NFXL1: variants seen among roughly 807,000 people sequenced by gnomAD.
NFXL1 encodes NF-X1-type zinc finger protein NFXL1.
In NFXL1, 66 loss-of-function variants were observed where a neutral mutation model predicts 123.3. The ratio of observed to expected loss-of-function variants is 0.54; its 90% CI spans 0.44 to 0.66. NFXL1 has a LOEUF of 0.66. Among genes scored for constraint, NFXL1 ranks in the 30% least tolerant of loss-of-function variants. NFXL1 has a pLI of 0.00. For missense variants in NFXL1, 944 were observed against 1,125.6 expected, an observed-to-expected ratio of 0.84 and a Z score of 2.31; for synonymous variants, 346 against 360.8, an observed-to-expected ratio of 0.96 and a Z score of 0.46.
At chr4:47,875,388 A>G in intron 17 of NFXL1, 95 bp from the exon 18 acceptor site, 1 of 844,312 alleles carries the variant, frequency 1.2e-6, no homozygotes, top group Non-Finnish European at 1.8e-6. Context: ...CCATTAAAAT[A>G]AAGTACTTCT....
chr4:47,898,431 A>C (rs1737217278), intron 8 of NFXL1, among the ~76,000 whole-genome samples: 1 of 152,104 alleles, frequency 6.6e-6, no homozygotes, highest in Non-Finnish European at 1.5e-5. Context: ...TTACTTCCTC[A>C]ATTGGATTAA....
chr4:47,856,457 T>G (rs115393309), intron 19 of NFXL1, among the ~76,000 whole-genome samples: 263 of 152,116 alleles, frequency 1.7e-3, no homozygotes, highest in African/African-American at 5.6e-3. Flanking sequence ...TCTGCATTTC[T>G]TTGTGTCTCT....
At chr4:47,892,095 TAAC>T (rs1736807389) in intron 11 of NFXL1, among the ~76,000 whole-genome samples, 2 of 152,014 alleles carry the variant, frequency 1.3e-5, no homozygotes, top group African/African-American at 4.8e-5. Flanking sequence ...TATGATGGAG[TAAC>T]AACAACCAGA....
At chr4:47,871,350 C>A (rs375307698) in intron 18 of NFXL1, among the ~76,000 whole-genome samples, 554 of 135,530 alleles carry the variant, frequency 4.1e-3, no homozygotes, top group Admixed American at 5.6e-3. Flanking sequence ...GACTCCGTCT[C>A]AAAAAAAAAA....
At position 47,896,112 on chromosome 4, in the gene NFXL1, C is replaced by A. The variant is rs189543995; in HGVS notation, c.1329+411G>T. On this transcript the variant is annotated intron_variant, in intron 10 of 22. Transcript: ENST00000507489. ...TCTAATAGAGGCATGGTTTGTGGCA[C>A]CCCCAAACAATCACAATAGTAACAT... 5.0e-4 allele frequency among the ~76,000 whole-genome samples: 76 copies of A among 152,198 alleles called. No homozygotes were observed. The East Asian group carries it at 0.013, about 27-fold the overall frequency.
At chr4:47,872,729 A>G (rs958699748) in intron 18 of NFXL1, among the ~76,000 whole-genome samples, 1 of 152,200 alleles carries the variant, frequency 6.6e-6, no homozygotes, top group African/African-American at 2.4e-5. Flanking sequence ...CACTCATCTG[A>G]GCCTTCAGTC....
intron 11 of NFXL1, 51 bp downstream of exon 11, chr4:47,894,129 G>A (rs767341762): frequency 6.9e-7 from 1 of 1,455,932 alleles, no homozygotes; most frequent in East Asian, 2.5e-5. Context: ...CCAAAATGGA[G>A]AAATTCAATA....
chr4:47,905,891 G>A (rs1376951684), intron 3 of NFXL1, among the ~76,000 whole-genome samples: 1 of 152,042 alleles, frequency 6.6e-6, no homozygotes, highest in African/African-American at 2.4e-5. Context: ...TGCTTAAGAA[G>A]GTAGCATAAG....
At chr4:47,878,695 C>T (rs1412364944) in intron 16 of NFXL1, 30 bp from the exon 17 acceptor site, 4 of 1,450,210 alleles carry the variant, frequency 2.8e-6, no homozygotes, top group Non-Finnish European at 3.6e-6. Context: ...CAGCACAGCA[C>T]ACATTACTCA....
intron 18 of NFXL1, among the ~76,000 whole-genome samples, chr4:47,871,360 A>AC (rs1212558134): frequency 5.9e-5 from 9 of 151,742 alleles, no homozygotes; most frequent in Admixed American, 1.3e-4. Context: ...CAAAAAAAAA[A>AC]AAAACAAAAA....
intron 12 of NFXL1, among the ~76,000 whole-genome samples, chr4:47,889,689 AG>A (rs1393536882): frequency 2.0e-5 from 3 of 152,334 alleles, no homozygotes; most frequent in East Asian, 1.9e-4. Context: ...ACCATATCTC[AG>A]TAGATTCCAT....
At position 47,910,987 on chromosome 4, in the gene NFXL1, C is replaced by CATT; in HGVS notation, c.240_242dup (p.Leu80_Met81insIle). The stretch of plus-strand genomic sequence containing the variant: ...TGATTTCTTCAAATTTTTTCTGAGA[C>CATT]ATTAGCTCTGTTTAAAAGAAAAAAG... On this transcript the variant is annotated inframe_insertion, in exon 3 of 23. Coordinates refer to ENST00000507489, the MANE Select transcript of NFXL1 (RefSeq NM_001278624.2). 6.4e-7 allele frequency: 1 copy of CATT among 1,568,378 alleles called. No individual in the cohort carries two copies. The highest frequency in any genetic ancestry group is 2.3e-5 in the East Asian group (1 of 44,000).
chr4:47,875,892 C>T (rs563290584), intron 17 of NFXL1, among the ~76,000 whole-genome samples: 2 of 152,210 alleles, frequency 1.3e-5, no homozygotes, highest in Admixed American at 1.3e-4. Flanking sequence ...AACAAGGCAC[C>T]TCCCTTTTCT....
chr4:47,912,828 C>G (rs1737904289), intron 2 of NFXL1, among the ~76,000 whole-genome samples: 1 of 142,680 alleles, frequency 7.0e-6, no homozygotes, highest in Admixed American at 6.9e-5. Flanking sequence ...CCCGTCTCTA[C>G]TAAAAAAAAA....
intron 2 of NFXL1, among the ~76,000 whole-genome samples, chr4:47,911,557 G>C (rs1287192324): frequency 6.6e-6 from 1 of 152,150 alleles, no homozygotes; most frequent in Non-Finnish European, 1.5e-5. Context: ...CTTAGGTCAA[G>C]AACTTTTTGC....
chr4:47,879,385 G>C (rs963313891), intron 15 of NFXL1, among the ~76,000 whole-genome samples: 1 of 151,998 alleles, frequency 6.6e-6, no homozygotes, highest in Non-Finnish European at 1.5e-5. Context: ...ATATATACAA[G>C]ATCTCTATGG....
chr4:47,899,194 C>T (rs1289562557), intron 6 of NFXL1, 74 bp from the exon 7 acceptor site: 2 of 1,382,052 alleles, frequency 1.4e-6, no homozygotes, highest in Non-Finnish European at 1.9e-6. Flanking sequence ...TCAATTTCTA[C>T]ACCTATCAAT....
intron 3 of NFXL1, among the ~76,000 whole-genome samples, chr4:47,908,682 G>A (rs1217865367): frequency 1.3e-5 from 2 of 151,874 alleles, no homozygotes; most frequent in Non-Finnish European, 2.9e-5. Context: ...TTGGCCTGGC[G>A]CAATGGCTCA....
chr4:47,849,955 T>A (rs6447588), intron 22 of NFXL1, among the ~76,000 whole-genome samples: 38,400 of 104,812 alleles, frequency 0.37, 5,220 homozygotes, highest in Admixed American at 0.43. Context: ...ATTATTTATT[T>A]TTTTTTTTTT....
Sources: allele counts gnomAD v4.1 joint callset (sites outside exome capture counted in the v4.1 genomes callset), GRCh38; gene constraint gnomAD v4.1.1; transcripts MANE v1.5; gene names NCBI Gene and HGNC (gene_info 2026-07-23, HGNC 2026-07-21).